SCN2B: variants seen among roughly 807,000 people sequenced by gnomAD.
SCN2B encodes sodium channel regulatory subunit beta-2.
In SCN2B, 14 loss-of-function variants were observed where a neutral mutation model predicts 18.2. The ratio of observed to expected loss-of-function variants is 0.77; its 90% confidence interval spans 0.51 to 1.21. SCN2B has a LOEUF of 1.21. Among genes scored for constraint, SCN2B ranks in the 50% most tolerant of loss-of-function variants. The probability of loss-of-function intolerance (pLI) is 0.00; values close to 1 mark genes in which losing one functional copy is unlikely to be tolerated. For missense variants in SCN2B, 262 were observed against 286.9 expected (o/e 0.91, Z 0.63); for synonymous variants, 115 against 115.3 (o/e 1.00, Z 0.02).
intron 1 of SCN2B, among the ~76,000 whole-genome samples, chr11:118,171,088 AC>A (rs1183212874): frequency 1.3e-5 from 2 of 152,148 alleles, no homozygotes; most frequent in African/African-American, 4.8e-5. Flanking sequence ...AAATGGCAGG[AC>A]TTAAGAACCA....
rs1279855479 is a variant in SCN2B at position 118,166,799 on chromosome 11, A to G, written c.*88T>C. The G allele has an allele frequency of 1.9e-6, 3 of 1,542,246 alleles. No homozygotes were observed. Among genetic ancestry groups the G allele is most frequent in the Non-Finnish European group, 2.7e-6 (3 of 1,123,800 alleles). On this transcript the variant is annotated 3_prime_UTR_variant, in exon 4 of 4. Coordinates refer to ENST00000278947, the MANE Select transcript of SCN2B (RefSeq NM_004588.5). ...GGCCCTGGGGTCCTAGGTCACGGGAAGCACACCAAGAGCGAGCAGGCAGGG... is the reference window on the plus strand; with the variant it reads ...GGCCCTGGGGTCCTAGGTCACGGGAGGCACACCAAGAGCGAGCAGGCAGGG...
chr11:118,172,150 C>G (rs538613165), intron 1 of SCN2B, among the ~76,000 whole-genome samples: 69 of 152,354 alleles, frequency 4.5e-4, no homozygotes, highest in African/African-American at 1.6e-3. Flanking sequence ...TCTTGATTAA[C>G]TCTCCTGCTT....
chr11:118,169,031 G>C (rs535493749), intron 1 of SCN2B, among the ~76,000 whole-genome samples: 139 of 152,258 alleles, frequency 9.1e-4, no homozygotes, highest in Non-Finnish European at 1.9e-3. Context: ...AAGTAGCTGG[G>C]AGTACAGGTG....
rs17121819 is a variant in SCN2B at position 118,168,740 on chromosome 11, G to A, written c.82C>T (p.Arg28Trp). The A allele has an allele frequency of 4.6e-5, 74 of 1,614,176 alleles. 1 individual carries two copies. Among genetic ancestry groups the A allele is most frequent in the Admixed American group, 1.5e-4 (9 of 60,036 alleles). Residue 28 changes from arginine (R) to tryptophan (W), a missense_variant, in exon 2 of 4, where the codon CGG becomes TGG. Arg to Trp is a moderately radical substitution (Grantham distance 101, BLOSUM62 -3). Coordinates refer to ENST00000278947, the MANE Select transcript of SCN2B (RefSeq NM_004588.5). This position sits in a 1 kb window ranked among gnomAD's most constrained non-coding sequence, Gnocchi z 4.7. The stretch of plus-strand genomic sequence containing the variant: ...GCAGGTACTGTGACCTCCATGCTCC[G>A]TCCTGGTGGCACTGCAGATGAAGCC... Reference protein sequence around the residue: ...SLFFSLVPPGRSMEVTVPATL... With the variant: ...SLFFSLVPPGWSMEVTVPATL...
Position 118,166,886 on chromosome 11 carries a change from A to T in SCN2B, c.*1T>A. 1 of 1,613,870 alleles carries T rather than the reference A, an allele frequency of 6.2e-7. No individual in the cohort carries two copies. On this transcript the variant is annotated 3_prime_UTR_variant, in exon 4 of 4. Transcript: ENST00000278947. Reference sequence around the variant, plus strand: ...CGGGAGGCTGCAGGGCCGGCCACCCACTACTTGGCGCCATCATCCGGGTTG... The same window carrying T: ...CGGGAGGCTGCAGGGCCGGCCACCCTCTACTTGGCGCCATCATCCGGGTTG...
chr11:118,176,254 A>G (rs1334752466), intron 1 of SCN2B, 108 bp downstream of exon 1: 3 of 1,061,924 alleles, frequency 2.8e-6, no homozygotes, highest in Non-Finnish European at 4.4e-6. Context: ...CCAAGGACAC[A>G]GAGGGAAAGC....
rs201734237 is a variant in SCN2B at position 118,168,072 on chromosome 11, C to T, written c.448+13G>A. Reference sequence around the variant, plus strand: ...AAAGGTCAGGGCCCCGCAGCTGGCACCCCAGCCTTCACCTTCCATGAGGAC... The same window carrying T: ...AAAGGTCAGGGCCCCGCAGCTGGCATCCCAGCCTTCACCTTCCATGAGGAC... On this transcript the variant is annotated intron_variant, in intron 3 of 3. Transcript: ENST00000278947. The surrounding 1 kb of genome is among the most constrained non-coding windows in gnomAD (Gnocchi z 4.7). 2 of 1,610,700 alleles carry T rather than the reference C, an allele frequency of 1.2e-6. No homozygotes were observed. Among genetic ancestry groups the T allele is most frequent in the Non-Finnish European group, 1.7e-6 (2 of 1,177,986 alleles).
chr11:118,164,549 C>T lies in SCN2B; in HGVS notation c.*2338G>A, dbSNP rs995767757. The T allele has an allele frequency of 6.5e-6, 1 of 153,196 alleles. No homozygotes were observed. Among genetic ancestry groups the T allele is most frequent in the Non-Finnish European group, 1.5e-5 (1 of 68,364 alleles). 9.5% of individuals were successfully genotyped at this position (153,196 alleles called of 1,614,324 possible). A position where few individuals can be genotyped will look rare whatever the true frequency, so the allele number is the denominator to read the frequency against. The stretch of plus-strand genomic sequence containing the variant: ...GGTTGCCCATCCCCCACTCTGCACC[C>T]ACTCTGCCTGGCCTCTGCACCCTTG... On this transcript the variant is annotated 3_prime_UTR_variant, in exon 4 of 4. Transcript: ENST00000278947.
intron 1 of SCN2B, among the ~76,000 whole-genome samples, chr11:118,176,051 G>T: frequency 6.6e-6 from 1 of 152,164 alleles, no homozygotes; most frequent in East Asian, 1.9e-4. Context: ...TGAAGAGACT[G>T]CAGGTCAATC....
At position 118,167,421 on chromosome 11, in the gene SCN2B, T is replaced by G. The variant is rs971301168; in HGVS notation, c.449-335A>C. ...TCTCTAACCTCAGTTTTCTAACATG[T>G]AAAATGGGCTTAATAATAGTACCTC... On this transcript the variant is annotated intron_variant, in intron 3 of 3. Transcript: ENST00000278947. 7.9e-5 allele frequency among the ~76,000 whole-genome samples: 12 copies of G among 152,318 alleles called. No individual in the cohort carries two copies. In the South Asian group the frequency reaches 2.1e-3, roughly 26 times the overall value.
intron 1 of SCN2B, among the ~76,000 whole-genome samples, chr11:118,175,018 A>C (rs7102182): frequency 0.06 from 9,096 of 152,242 alleles, 895 homozygotes; most frequent in African/African-American, 0.2. Flanking sequence ...AGACACAGGG[A>C]GTTCAAATTT....
At chr11:118,172,881 T>C (rs962035612) in intron 1 of SCN2B, among the ~76,000 whole-genome samples, 2 of 131,920 alleles carry the variant, frequency 1.5e-5, no homozygotes, top group African/African-American at 6.4e-5. Flanking sequence ...GAGGTAATTA[T>C]TTTCTTCTTG....
rs1185138180 is a variant in SCN2B, at chr11:118,168,578, G to T, written c.237+7C>A. On this transcript the variant is annotated splice_region_variant and intron_variant, in intron 2 of 3. Transcript: ENST00000278947. The surrounding 1 kb of genome is among the most constrained non-coding windows in gnomAD (Gnocchi z 4.7). The stretch of plus-strand genomic sequence containing the variant: ...TCCCCTGCCCCTGCCTTCAGCCCAG[G>T]ACTCACCATCTCCTCAGAGCAGTTG... 6.2e-7 allele frequency: 1 copy of T among 1,614,052 alleles called. No individual in the cohort carries two copies. The highest frequency in any genetic ancestry group is 8.5e-7 in the Non-Finnish European group (1 of 1,180,042).
In SCN2B at chr11:118,164,910, C is replaced by A. The variant is rs1008028754; in HGVS notation, c.*1977G>T. 6.5e-6 allele frequency: 1 copy of A among 152,696 alleles called. No homozygotes were observed. Among genetic ancestry groups the A allele is most frequent in the Non-Finnish European group, 1.5e-5 (1 of 68,072 alleles). 9.5% of individuals were successfully genotyped at this position (152,696 alleles called of 1,614,324 possible). A position where few individuals can be genotyped will look rare whatever the true frequency, so the allele number is the denominator to read the frequency against. On this transcript the variant is annotated 3_prime_UTR_variant, in exon 4 of 4. Coordinates refer to ENST00000278947, the MANE Select transcript of SCN2B (RefSeq NM_004588.5). The stretch of plus-strand genomic sequence containing the variant: ...TGATGGGCAGAGGCAGGGATTGGTC[C>A]CTGAGACTGTCACGGTCCTGTCTCC...
At chr11:118,171,007 C>A (rs553849129) in intron 1 of SCN2B, among the ~76,000 whole-genome samples, 67 of 152,172 alleles carry the variant, frequency 4.4e-4, no homozygotes, top group African/African-American at 1.5e-3. Context: ...CGCCCTGCAG[C>A]CTGCAGGGAA....
chr11:118,176,584 C>T lies in SCN2B; in HGVS notation c.-153G>A. The stretch of plus-strand genomic sequence containing the variant: ...CATTAAGGAAGCTTTATTTCCATCT[C>T]TCTAATATGGCCGGCTTGTATGTTG... On this transcript the variant is annotated 5_prime_UTR_variant, in exon 1 of 4. Coordinates refer to ENST00000278947, the MANE Select transcript of SCN2B (RefSeq NM_004588.5). The T allele has an allele frequency of 1.6e-6, 1 of 616,778 alleles. No individual in the cohort carries two copies. Among genetic ancestry groups the T allele is most frequent in the South Asian group, 1.9e-5 (1 of 53,708 alleles). 38.2% of individuals were successfully genotyped at this position (616,778 alleles called of 1,614,324 possible).
At chr11:118,174,220 T>C (rs1293274123) in intron 1 of SCN2B, among the ~76,000 whole-genome samples, 3 of 147,580 alleles carry the variant, frequency 2.0e-5, no homozygotes, top group Admixed American at 7.0e-5. Flanking sequence ...GATACAGGCG[T>C]GAGCCACCAT....
chr11:118,171,426 G>C (rs932836516), intron 1 of SCN2B, among the ~76,000 whole-genome samples: 4 of 152,242 alleles, frequency 2.6e-5, no homozygotes, highest in East Asian at 1.9e-4. Flanking sequence ...AGCTCTGAGG[G>C]AAGGCACTGA....
chr11:118,175,944 C>A (rs1229494873), intron 1 of SCN2B, among the ~76,000 whole-genome samples: 4 of 152,162 alleles, frequency 2.6e-5, no homozygotes, highest in Non-Finnish European at 5.9e-5. Flanking sequence ...CTCCTAATAC[C>A]CTAAATCCAC....
Sources: gnomAD v4.1 joint callset for allele counts (sites outside exome capture counted in the v4.1 genomes callset) on GRCh38, gnomAD v4.1.1 for gene constraint, Gnocchi (gnomAD v3.1) non-coding constraint, MANE v1.5 for transcripts, NCBI Gene and HGNC (gene_info 2026-07-23, HGNC 2026-07-21) for gene names.